Variants in RAB10 observed in about 807,000 individuals in gnomAD.
The protein encoded by RAB10 is RAB10, member RAS oncogene family, also known as ras-related protein Rab-10.
RAB10 carries 5 observed loss-of-function variants against 25.7 expected under a neutral mutation model. The observed-to-expected ratio is 0.19, with a 90% CI of 0.10 to 0.41. The LOEUF is 0.41. Ranked by LOEUF, RAB10 falls within the 10% of genes least tolerant of loss-of-function variation. The pLI is 1.00. For synonymous variants in RAB10, 89 were observed against 86.4 expected (o/e 1.03, Z -0.16); for missense variants, 103 against 245.8 (o/e 0.42, Z 3.89).
chr2:26,125,734 TAG>T (rs1464920296), intron 3 of RAB10, among the ~76,000 whole-genome samples: 7 of 152,246 alleles, frequency 4.6e-5, no homozygotes, highest in African/African-American at 1.7e-4. Context: ...TTGTTGTTGT[TAG>T]GAGTTTTAGG....
intron 1 of RAB10, among the ~76,000 whole-genome samples, chr2:26,062,614 G>A (rs982222138): frequency 6.6e-6 from 1 of 151,974 alleles, no homozygotes; most frequent in Non-Finnish European, 1.5e-5. Flanking sequence ...GGAGGTGGGG[G>A]TTGCAGTGAG....
At chr2:26,126,618 G>T (rs545308998) in intron 3 of RAB10, among the ~76,000 whole-genome samples, 146 of 152,256 alleles carry the variant, frequency 9.6e-4, no homozygotes, top group African/African-American at 3.3e-3. Context: ...TTTGATGTTA[G>T]ATTCCATATG....
intron 1 of RAB10, among the ~76,000 whole-genome samples, chr2:26,075,137 C>T (rs1386121864): frequency 1.3e-5 from 2 of 151,920 alleles, no homozygotes; most frequent in Non-Finnish European, 2.9e-5. Context: ...TCCTGGAGAG[C>T]AAAATACAAA....
intron 3 of RAB10, among the ~76,000 whole-genome samples, chr2:26,122,776 T>C (rs1016340590): frequency 2.0e-5 from 3 of 152,310 alleles, no homozygotes; most frequent in Non-Finnish European, 4.4e-5. Flanking sequence ...GAAAGAGGCT[T>C]GGCCTAAAAA....
At chr2:26,131,730 A>G (rs571428305) in intron 5 of RAB10, among the ~76,000 whole-genome samples, 23 of 152,216 alleles carry the variant, frequency 1.5e-4, no homozygotes, top group Admixed American at 2.6e-4. Flanking sequence ...AAATATGAAT[A>G]TATATTTTTG....
chr2:26,126,397 G>C (rs1175555120), intron 3 of RAB10, among the ~76,000 whole-genome samples: 2 of 152,084 alleles, frequency 1.3e-5, no homozygotes, highest in African/African-American at 2.4e-5. Context: ...GGCCAACATG[G>C]CAAAACCCCC....
intron 1 of RAB10, among the ~76,000 whole-genome samples, chr2:26,082,908 G>T (rs1451882364): frequency 6.6e-6 from 1 of 152,044 alleles, no homozygotes; most frequent in Non-Finnish European, 1.5e-5. Flanking sequence ...GACTCAAATG[G>T]ACTTTATTCC....
At chr2:26,047,325 C>G (rs187714711) in intron 1 of RAB10, among the ~76,000 whole-genome samples, 187 of 152,112 alleles carry the variant, frequency 1.2e-3, no homozygotes, top group African/African-American at 4.4e-3. Context: ...AGAATGTAAC[C>G]TTTTGGGATT....
chr2:26,098,329 G>A (rs1667271498), intron 1 of RAB10, among the ~76,000 whole-genome samples: 1 of 151,876 alleles, frequency 6.6e-6, no homozygotes, highest in Admixed American at 6.6e-5. Flanking sequence ...AGTAGAAACA[G>A]GGTTTCACCA....
In RAB10 at chr2:26,120,916, AT is replaced by A. The variant is rs928257831; in HGVS notation, c.328-6218del. ...GCGAGTTTCTTTATAGTATATTATA[AT>A]TTTTTTTTTCCCGAGACAAAGTCTT... On this transcript the variant is annotated intron_variant, in intron 3 of 5. Coordinates refer to ENST00000264710, the MANE Select transcript of RAB10 (RefSeq NM_016131.5). 1.9e-3 allele frequency among the ~76,000 whole-genome samples: 259 copies of A among 135,062 alleles called. 1 individual carries two copies. The highest frequency in any genetic ancestry group is 7.0e-3 in the African/African-American group (250 of 35,930). 88.6% of individuals were successfully genotyped at this position (135,062 alleles called of 152,430 possible).
At chr2:26,044,829 A>T (rs1457224282) in intron 1 of RAB10, among the ~76,000 whole-genome samples, 2 of 151,780 alleles carry the variant, frequency 1.3e-5, no homozygotes, top group East Asian at 2.0e-4. Context: ...TACAGGTGTA[A>T]GCCATTGCGC....
intron 3 of RAB10, among the ~76,000 whole-genome samples, chr2:26,116,546 GTGT>G (rs1385442805): frequency 0.017 from 1,454 of 84,776 alleles, 81 homozygotes; most frequent in African/African-American, 0.06. Context: ...TTTCTGTCTT[GTGT>G]TTTTTTTTTT....
upstream of RAB10, among the ~76,000 whole-genome samples, chr2:26,033,598 C>A (rs1443925903): frequency 6.6e-6 from 1 of 152,244 alleles, no homozygotes; most frequent in African/African-American, 2.4e-5. Context: ...GGCTTTTTCT[C>A]GCGTTTACGA....
chr2:26,054,900 G>C (rs571072890), intron 1 of RAB10, among the ~76,000 whole-genome samples: 6 of 152,168 alleles, frequency 3.9e-5, no homozygotes, highest in African/African-American at 1.4e-4. Flanking sequence ...AGGGTTGCTT[G>C]AGCCCAGGAG....
intron 5 of RAB10, among the ~76,000 whole-genome samples, chr2:26,132,323 G>A (rs981618580): frequency 6.6e-6 from 1 of 152,128 alleles, no homozygotes; most frequent in African/African-American, 2.4e-5. Flanking sequence ...GCATGATCTC[G>A]GCTCACTGCA....
chr2:26,117,987 T>C (rs1276476226), intron 3 of RAB10, among the ~76,000 whole-genome samples: 2 of 152,186 alleles, frequency 1.3e-5, no homozygotes, highest in African/African-American at 2.4e-5. Context: ...GTTCTTTTTT[T>C]TTGAGACGGA....
chr2:26,111,122 T>A lies in RAB10; in HGVS notation c.327+1216T>A, dbSNP rs116073103. On this transcript the variant is annotated intron_variant, in intron 3 of 5. Transcript: ENST00000264710. ...CATGCCTTATTGCTACCTTCTAGGC[T>A]TTGAGTTTTGTTAACAGTAACTCTT... Among the ~76,000 whole-genome samples, 885 of 152,330 alleles carry A rather than the reference T, an allele frequency of 5.8e-3. 11 individuals carry two copies. Among genetic ancestry groups the A allele is most frequent in the African/African-American group, 0.02 (836 of 41,566 alleles).
At chr2:26,090,608 T>C (rs1667082943) in intron 1 of RAB10, among the ~76,000 whole-genome samples, 2 of 152,048 alleles carry the variant, frequency 1.3e-5, no homozygotes, top group Admixed American at 6.6e-5. Flanking sequence ...TGTCTCACAC[T>C]GCCTCTGTTA....
chr2:26,041,811 G>A (rs890778210), intron 1 of RAB10, among the ~76,000 whole-genome samples: 2 of 152,164 alleles, frequency 1.3e-5, no homozygotes, highest in African/African-American at 2.4e-5. Flanking sequence ...GGCTGAGGCA[G>A]GAGAACCGCT....
Sources: gnomAD v4.1 joint callset for allele counts (sites outside exome capture counted in the v4.1 genomes callset) on GRCh38, gnomAD v4.1.1 for gene constraint, MANE v1.5 for transcripts, NCBI Gene and HGNC (gene_info 2026-07-23, HGNC 2026-07-21) for gene names.